The following SND1 variants were observed in gnomAD, a reference collection of about 807,000 sequenced individuals.
The protein encoded by SND1 is staphylococcal nuclease domain-containing protein 1.
In SND1, 38 loss-of-function variants were observed where a neutral mutation model predicts 121.7. The ratio of observed to expected loss-of-function variants is 0.31; its 90% confidence interval spans 0.24 to 0.41. The LOEUF (loss-of-function observed/expected upper bound fraction) is 0.41, where lower values mean the gene tolerates loss of function less well. SND1 is among the 10% of genes least tolerant of loss of function. SND1 has a pLI of 1.00. For missense variants in SND1, 868 were observed against 1,184.6 expected (o/e 0.73, Z 3.92); for synonymous variants, 401 against 447.4 (o/e 0.90, Z 1.31).
chr7:127,819,915 C>CT (rs761853403), intron 11 of SND1, among the ~76,000 whole-genome samples: 1 of 152,194 alleles, frequency 6.6e-6, no homozygotes, highest in Non-Finnish European at 1.5e-5. Context: ...TTTGAACTTA[C>CT]TGTGAACACT....
intron 10 of SND1, among the ~76,000 whole-genome samples, chr7:127,749,139 T>C (rs1013020970): frequency 7.4e-5 from 11 of 148,360 alleles, no homozygotes; most frequent in Non-Finnish European, 3.0e-5. Context: ...GCCCAGGTGA[T>C]CTTTCTGCGT....
intron 10 of SND1, among the ~76,000 whole-genome samples, chr7:127,795,852 ATTTAT>A (rs1554427422): frequency 6.6e-6 from 1 of 151,550 alleles, no homozygotes; most frequent in African/African-American, 2.4e-5. Flanking sequence ...TTATTTATTT[ATTTAT>A]TTTATTTTAT....
intron 2 of SND1, 157 bp downstream of exon 2, chr7:127,686,919 T>A (rs1248878408): frequency 1.3e-6 from 1 of 790,870 alleles, no homozygotes; most frequent in African/African-American, 1.8e-5. Context: ...GCAGCTTGTA[T>A]CTGTTGTTTA....
intron 15 of SND1, among the ~76,000 whole-genome samples, chr7:127,988,888 T>C (rs756677602): frequency 1.1e-4 from 16 of 152,246 alleles, no homozygotes; most frequent in Non-Finnish European, 2.1e-4. Context: ...GTTTTAGCAT[T>C]ATGCCTGTTT....
At chr7:127,797,766 T>TC (rs1563017019) in intron 10 of SND1, among the ~76,000 whole-genome samples, 1 of 147,356 alleles carries the variant, frequency 6.8e-6, no homozygotes, top group Non-Finnish European at 1.5e-5. Context: ...TCACCTTTTT[T>TC]CCCCCCTTGC....
intron 15 of SND1, among the ~76,000 whole-genome samples, chr7:127,972,920 T>C (rs745453266): frequency 6.6e-6 from 1 of 152,248 alleles, no homozygotes; most frequent in Non-Finnish European, 1.5e-5. Context: ...TCCATGTTAC[T>C]GGATGTAGCA....
At chr7:128,042,885 G>C (rs1325860816) in intron 16 of SND1, among the ~76,000 whole-genome samples, 1 of 152,220 alleles carries the variant, frequency 6.6e-6, no homozygotes, top group Non-Finnish European at 1.5e-5. Context: ...TCTCTTTTAA[G>C]ATGTTATTTG....
chr7:127,720,777 C>T (rs1488059356), intron 9 of SND1, among the ~76,000 whole-genome samples: 2 of 152,146 alleles, frequency 1.3e-5, no homozygotes, highest in Admixed American at 1.3e-4. Context: ...ATCTCCTTTC[C>T]CATGCTGAGA....
intron 10 of SND1, among the ~76,000 whole-genome samples, chr7:127,751,357 G>A (rs2116456997): frequency 1.3e-5 from 2 of 152,294 alleles, no homozygotes; most frequent in South Asian, 4.2e-4. Context: ...TTAGGACAGT[G>A]TAGTTTCAAG....
intron 2 of SND1, among the ~76,000 whole-genome samples, chr7:127,690,518 C>T (rs1244770638): frequency 6.6e-6 from 1 of 152,194 alleles, no homozygotes; most frequent in African/African-American, 2.4e-5. Flanking sequence ...TTTCATCATC[C>T]CATCTTGGTG....
Position 127,896,782 on chromosome 7 carries a change from A to G in SND1, c.1455-7965A>G, listed in dbSNP as rs564738515. Among the ~76,000 whole-genome samples the G allele has an allele frequency of 1.3e-5, 2 of 152,068 alleles. 1 individual carries two copies. Among genetic ancestry groups the G allele is most frequent in the South Asian group, 4.2e-4 (2 of 4,818 alleles). ...CAGACTCTGAGTTCATGGCTCCTTA[A>G]TTCGATTCCTTCTGAATAGCCTCCA... On this transcript the variant is annotated intron_variant, in intron 13 of 23. Coordinates refer to ENST00000354725, the MANE Select transcript of SND1 (RefSeq NM_014390.4).
At chr7:127,779,455 A>G (rs567550016) in intron 10 of SND1, among the ~76,000 whole-genome samples, 2 of 152,158 alleles carry the variant, frequency 1.3e-5, no homozygotes, top group Non-Finnish European at 2.9e-5. Context: ...CTTATTCTCA[A>G]CTTTTAAAAA....
At chr7:127,918,822 T>C (rs1225391383) in intron 14 of SND1, among the ~76,000 whole-genome samples, 1 of 152,224 alleles carries the variant, frequency 6.6e-6, no homozygotes, top group African/African-American at 2.4e-5. Context: ...AGTAGAAACC[T>C]AGGCCAAAGA....
chr7:127,999,042 T>C (rs1212980203), intron 16 of SND1: 1 of 152,288 alleles, frequency 6.6e-6, no homozygotes, highest in East Asian at 1.9e-4. Context: ...GCCTAATTTT[T>C]CATTGGCTTG....
chr7:127,810,887 A>G (rs1022170158), intron 11 of SND1, among the ~76,000 whole-genome samples: 4 of 152,206 alleles, frequency 2.6e-5, no homozygotes, highest in Non-Finnish European at 5.9e-5. Context: ...TCACCATGGG[A>G]ACCATTGTAT....
At chr7:127,696,109 A>C (rs1441739324) in intron 3 of SND1, among the ~76,000 whole-genome samples, 1 of 152,214 alleles carries the variant, frequency 6.6e-6, no homozygotes, top group Non-Finnish European at 1.5e-5. Context: ...TTCTTTGATT[A>C]AAAACCTTTC....
chr7:127,929,896 T>C (rs951045127), intron 15 of SND1, among the ~76,000 whole-genome samples: 1 of 152,218 alleles, frequency 6.6e-6, no homozygotes, highest in Non-Finnish European at 1.5e-5. Context: ...GCAAAGATGC[T>C]CCTTTCTTTG....
At chr7:127,788,171 TTC>T (rs577059225) in intron 10 of SND1, among the ~76,000 whole-genome samples, 38 of 152,206 alleles carry the variant, frequency 2.5e-4, no homozygotes, top group Non-Finnish European at 4.4e-4. Flanking sequence ...AGTCAACCCT[TTC>T]TCTCTCTTTT....
intron 4 of SND1, 29 bp downstream of exon 4, chr7:127,698,982 T>C (rs1587604274): frequency 1.3e-6 from 2 of 1,564,222 alleles, no homozygotes; most frequent in Non-Finnish European, 8.8e-7. Flanking sequence ...GCTGTCTCTC[T>C]GACAGCGGTA....
Sources: gnomAD v4.1 joint callset for allele counts (sites outside exome capture counted in the v4.1 genomes callset) on GRCh38, gnomAD v4.1.1 for gene constraint, MANE v1.5 for transcripts, NCBI Gene and HGNC (gene_info 2026-07-23, HGNC 2026-07-21) for gene names.